Variants in MNAT1 observed in about 807,000 individuals in gnomAD.
MNAT1 encodes the protein MNAT1 component of CDK activating kinase.
A neutral mutation model predicts 42.0 loss-of-function variants in MNAT1; 43 were observed. That is an observed-to-expected ratio of 1.02 (90% CI 0.80 to 1.32). The LOEUF is 1.32. Among genes scored for constraint, MNAT1 ranks in the 40% most tolerant of loss-of-function variants. The pLI, the probability that MNAT1 is intolerant of heterozygous loss-of-function variation, is 0.00. For synonymous variants in MNAT1, 118 were observed against 120.0 expected (o/e 0.98, Z 0.11); for missense variants, 306 against 350.4 (o/e 0.87, Z 1.01).
intron 7 of MNAT1, among the ~76,000 whole-genome samples, chr14:60,942,904 C>G (rs1332324153): frequency 2.0e-5 from 3 of 151,788 alleles, no homozygotes; most frequent in Non-Finnish European, 2.9e-5. Flanking sequence ...TCATAATTCA[C>G]TTAATTTACA....
chr14:60,767,240 C>T (rs192110433), intron 1 of MNAT1, among the ~76,000 whole-genome samples: 2 of 152,270 alleles, frequency 1.3e-5, no homozygotes, highest in African/African-American at 4.8e-5. Flanking sequence ...ACAAGAAACC[C>T]TTGTGCTTTG....
chr14:60,947,494 C>T (rs1472198063), intron 7 of MNAT1, among the ~76,000 whole-genome samples: 1 of 152,004 alleles, frequency 6.6e-6, no homozygotes, highest in Non-Finnish European at 1.5e-5. Flanking sequence ...ACAAGCCTGG[C>T]CAACATGGTG....
At chr14:60,927,229 C>G (rs948716145) in intron 7 of MNAT1, among the ~76,000 whole-genome samples, 1 of 152,178 alleles carries the variant, frequency 6.6e-6, no homozygotes, top group Non-Finnish European at 1.5e-5. Context: ...AAAAGGCACT[C>G]AGCCTGGGAT....
At chr14:60,888,704 G>A (rs1203930799) in intron 7 of MNAT1, among the ~76,000 whole-genome samples, 36 of 132,110 alleles carry the variant, frequency 2.7e-4, no homozygotes, top group East Asian at 8.9e-4. Flanking sequence ...AAACCCCATC[G>A]TCTCAGCCCA....
chr14:60,748,896 C>T (rs1210830257), intron 1 of MNAT1, among the ~76,000 whole-genome samples: 2 of 152,118 alleles, frequency 1.3e-5, no homozygotes, highest in Non-Finnish European at 2.9e-5. Flanking sequence ...CTATTATGCA[C>T]TGTGCATAAT....
At chr14:60,793,449 A>T (rs2031894510) in intron 1 of MNAT1, among the ~76,000 whole-genome samples, 1 of 151,884 alleles carries the variant, frequency 6.6e-6, no homozygotes. Context: ...AGTAACCTTG[A>T]ACTCCTGGGC....
chr14:60,968,651 T>C lies in MNAT1; in HGVS notation c.*302T>C. ...GGTTGTGACAGACTTATAAAATCTT[T>C]TTAAAAAATAAAGCTATAATTTATA... On this transcript the variant is annotated 3_prime_UTR_variant, in exon 8 of 8. Coordinates refer to ENST00000261245, the MANE Select transcript of MNAT1 (RefSeq NM_002431.4). 1.6e-6 allele frequency: 1 copy of C among 626,454 alleles called. No individual in the cohort carries two copies. Among genetic ancestry groups the C allele is most frequent in the South Asian group, 1.9e-5 (1 of 53,384 alleles). 38.8% of individuals were successfully genotyped at this position (626,454 alleles called of 1,614,324 possible). A position where few individuals can be genotyped will look rare whatever the true frequency, so the allele number is the denominator to read the frequency against.
intron 7 of MNAT1, among the ~76,000 whole-genome samples, chr14:60,899,781 C>T (rs779536166): frequency 3.9e-5 from 6 of 152,102 alleles, no homozygotes; most frequent in Admixed American, 1.3e-4. Context: ...TATTGCATTT[C>T]GTTTTATTAC....
chr14:60,908,096 C>T (rs1053054985), intron 7 of MNAT1, among the ~76,000 whole-genome samples: 5 of 152,010 alleles, frequency 3.3e-5, no homozygotes, highest in Non-Finnish European at 7.4e-5. Flanking sequence ...GACAAATCTG[C>T]AGAAGTCAAA....
intron 7 of MNAT1, among the ~76,000 whole-genome samples, chr14:60,916,922 C>T (rs748207277): frequency 6.6e-6 from 1 of 152,030 alleles, no homozygotes; most frequent in Non-Finnish European, 1.5e-5. Context: ...CACTGCATTC[C>T]AGCCTGTGTG....
At chr14:60,958,634 C>CTTTTTTT (rs71114172) in intron 7 of MNAT1, among the ~76,000 whole-genome samples, 12 of 93,900 alleles carry the variant, frequency 1.3e-4, no homozygotes, top group African/African-American at 1.7e-4. Flanking sequence ...GAGACAAGGT[C>CTTTTTTT]TTTTTTTTTT....
chr14:60,937,612 A>G (rs888689099), intron 7 of MNAT1, among the ~76,000 whole-genome samples: 7 of 152,314 alleles, frequency 4.6e-5, no homozygotes, highest in South Asian at 4.1e-4. Context: ...TACCAGTACC[A>G]TGCTGTTTTG....
intron 7 of MNAT1, among the ~76,000 whole-genome samples, chr14:60,893,670 TC>T (rs2034890812): frequency 6.6e-6 from 1 of 152,136 alleles, no homozygotes; most frequent in African/African-American, 2.4e-5. Context: ...ATTCATCTAG[TC>T]ACAATTTATT....
chr14:60,875,651 C>G (rs996425553), intron 6 of MNAT1, among the ~76,000 whole-genome samples: 7 of 152,044 alleles, frequency 4.6e-5, no homozygotes, highest in African/African-American at 1.7e-4. Flanking sequence ...ATAATGTTAA[C>G]TATTCTTATT....
intron 7 of MNAT1, among the ~76,000 whole-genome samples, chr14:60,893,663 C>T (rs1236336369): frequency 6.6e-6 from 1 of 152,094 alleles, no homozygotes; most frequent in African/African-American, 2.4e-5. Context: ...GCTTCAAATT[C>T]ATCTAGTCAC....
intron 5 of MNAT1, among the ~76,000 whole-genome samples, chr14:60,817,609 C>G (rs2032754723): frequency 6.6e-6 from 1 of 151,926 alleles, no homozygotes; most frequent in East Asian, 1.9e-4. Flanking sequence ...TAAACCAATT[C>G]CTTTAAGTCT....
chr14:60,818,851 A>G lies in MNAT1; in HGVS notation c.687+4A>G. On this transcript the variant is annotated splice_donor_region_variant and intron_variant, in intron 6 of 7. Transcript: ENST00000261245. The stretch of plus-strand genomic sequence containing the variant: ...GTTTTCCACAGGCATCAAAATGGTA[A>G]GCCTTATTTTAATTGCTTGTTTGAA... 6.2e-7 allele frequency: 1 copy of G among 1,607,212 alleles called. No homozygotes were observed. Among genetic ancestry groups the G allele is most frequent in the Non-Finnish European group, 8.5e-7 (1 of 1,177,568 alleles).
intron 7 of MNAT1, among the ~76,000 whole-genome samples, chr14:60,943,518 CTGTT>C (rs1453914244): frequency 2.0e-5 from 3 of 152,038 alleles, no homozygotes; most frequent in Non-Finnish European, 4.4e-5. Flanking sequence ...AATCTTTCAA[CTGTT>C]TGTTTTTGTT....
intron 7 of MNAT1, among the ~76,000 whole-genome samples, chr14:60,896,196 T>C (rs1240752449): frequency 1.3e-5 from 2 of 152,178 alleles, no homozygotes; most frequent in Non-Finnish European, 2.9e-5. Context: ...AGTACTCTTC[T>C]GGTGTGCTCA....
Sources: gnomAD v4.1 joint callset for allele counts (sites outside exome capture counted in the v4.1 genomes callset) on GRCh38, gnomAD v4.1.1 for gene constraint, MANE v1.5 for transcripts, NCBI Gene and HGNC (gene_info 2026-07-23, HGNC 2026-07-21) for gene names.